DPP6: variants seen among roughly 807,000 people sequenced by gnomAD.
DPP6 encodes the protein A-type potassium channel modulatory protein DPP6.
In DPP6, 69 loss-of-function variants were observed where a neutral mutation model predicts 122.6. The ratio of observed to expected loss-of-function variants is 0.56; its 90% CI spans 0.46 to 0.69. The LOEUF is 0.69. Ranked by LOEUF, DPP6 falls within the 30% of genes least tolerant of loss-of-function variation. The probability of loss-of-function intolerance (pLI) is 0.00; values close to 1 mark genes in which losing one functional copy is unlikely to be tolerated. For missense variants in DPP6, 928 were observed against 1,116.9 expected, an observed-to-expected ratio of 0.83 and a Z score of 2.41; for synonymous variants, 418 against 433.1, an observed-to-expected ratio of 0.97 and a Z score of 0.43.
At chr7:154,804,570 G>T (rs1798574623) in intron 14 of DPP6, among the ~76,000 whole-genome samples, 1 of 152,200 alleles carries the variant, frequency 6.6e-6, no homozygotes, top group African/African-American at 2.4e-5. Flanking sequence ...TGTCTTAAAT[G>T]TGCTCAGCTC....
chr7:153,919,324 G>A (rs1051464558), intron 1 of DPP6, among the ~76,000 whole-genome samples: 3 of 152,152 alleles, frequency 2.0e-5, no homozygotes, highest in African/African-American at 4.8e-5. Flanking sequence ...GCCTCCTGGG[G>A]CACCAGTGCA....
At chr7:154,432,003 G>C (rs1328789964) in intron 1 of DPP6, among the ~76,000 whole-genome samples, 1 of 152,152 alleles carries the variant, frequency 6.6e-6, no homozygotes, top group Admixed American at 6.5e-5. Context: ...GCCTGGCCCA[G>C]CTCCTTGGCC....
intron 2 of DPP6, among the ~76,000 whole-genome samples, chr7:154,447,906 C>T (rs1015624725): frequency 6.6e-6 from 1 of 152,130 alleles, no homozygotes. Flanking sequence ...AAGCTAGGAA[C>T]AGGAAGAAAC....
chr7:154,502,564 A>G (rs1825342829), intron 3 of DPP6, among the ~76,000 whole-genome samples: 1 of 152,194 alleles, frequency 6.6e-6, no homozygotes, highest in African/African-American at 2.4e-5. Flanking sequence ...GTCTGCTGCC[A>G]TGTGAGACGT....
chr7:154,279,953 A>G (rs1038106747), intron 1 of DPP6, among the ~76,000 whole-genome samples: 2 of 152,238 alleles, frequency 1.3e-5, no homozygotes, highest in Non-Finnish European at 2.9e-5. Flanking sequence ...GTTTTGAATT[A>G]CAATGCTGAT....
At chr7:154,497,292 G>T (rs771815669) in intron 3 of DPP6, among the ~76,000 whole-genome samples, 1 of 152,126 alleles carries the variant, frequency 6.6e-6, no homozygotes, top group Non-Finnish European at 1.5e-5. Context: ...GAAGAAGGGA[G>T]TGTTGGTCAA....
At chr7:154,086,371 T>C (rs1267921916) in intron 1 of DPP6, among the ~76,000 whole-genome samples, 2 of 147,986 alleles carry the variant, frequency 1.4e-5, no homozygotes, top group African/African-American at 5.0e-5. Flanking sequence ...GCTTTCATGC[T>C]GTGCTGGCCC....
chr7:154,584,890 C>T (rs560254063), intron 5 of DPP6, among the ~76,000 whole-genome samples: 63 of 152,290 alleles, frequency 4.1e-4, no homozygotes, highest in African/African-American at 6.5e-4. Flanking sequence ...AATTTAAAAG[C>T]GTATCTTTAT....
intron 7 of DPP6, among the ~76,000 whole-genome samples, chr7:154,715,685 C>T (rs1283040734): frequency 6.6e-6 from 1 of 152,220 alleles, no homozygotes; most frequent in Non-Finnish European, 1.5e-5. Context: ...GTTCCCCTGG[C>T]TGTCACCCTC....
chr7:154,879,916 C>T (rs1029792592), intron 20 of DPP6, among the ~76,000 whole-genome samples: 4 of 152,202 alleles, frequency 2.6e-5, no homozygotes, highest in Non-Finnish European at 4.4e-5. Flanking sequence ...GAGGGCACAG[C>T]GCACGCCAGG....
At chr7:154,566,586 C>T (rs1364822034) in intron 4 of DPP6, among the ~76,000 whole-genome samples, 1 of 152,036 alleles carries the variant, frequency 6.6e-6, no homozygotes, top group Non-Finnish European at 1.5e-5. Context: ...CCAGTGCACC[C>T]AGCCTTTAAT....
intron 2 of DPP6, among the ~76,000 whole-genome samples, chr7:154,447,649 T>G (rs532905523): frequency 6.6e-6 from 1 of 152,204 alleles, no homozygotes; most frequent in East Asian, 1.9e-4. Context: ...CAATACCCCT[T>G]ATGAAAATAG....
At chr7:154,433,428 C>G (rs193091768) in intron 1 of DPP6, among the ~76,000 whole-genome samples, 2 of 151,876 alleles carry the variant, frequency 1.3e-5, no homozygotes, top group Non-Finnish European at 2.9e-5. Flanking sequence ...CTCAGCCTCC[C>G]GAAGTGCTGT....
the DPP6 span, among the ~76,000 whole-genome samples, chr7:153,786,664 G>C: frequency 1.4e-5 from 2 of 148,142 alleles, no homozygotes; most frequent in Non-Finnish European, 3.0e-5. Flanking sequence ...GCGTGAACCC[G>C]GGAGGCGGAG....
intron 1 of DPP6, among the ~76,000 whole-genome samples, chr7:154,021,514 G>T (rs1798698698): frequency 6.6e-6 from 1 of 152,078 alleles, no homozygotes; most frequent in Non-Finnish European, 1.5e-5. Flanking sequence ...ATCCTTTCCA[G>T]CCTACAACCA....
intron 3 of DPP6, among the ~76,000 whole-genome samples, chr7:154,536,226 A>G (rs977579390): frequency 1.3e-5 from 2 of 152,184 alleles, no homozygotes; most frequent in Non-Finnish European, 2.9e-5. Flanking sequence ...TATTTGTAAG[A>G]AATTCTAGGA....
intron 1 of DPP6, among the ~76,000 whole-genome samples, chr7:154,387,629 C>A (rs534661793): frequency 6.6e-6 from 1 of 152,308 alleles, no homozygotes; most frequent in African/African-American, 2.4e-5. Context: ...GTGAAGCTGT[C>A]TCCTTCACCA....
intron 1 of DPP6, among the ~76,000 whole-genome samples, chr7:154,024,054 C>G (rs915325549): frequency 1.3e-5 from 2 of 152,170 alleles, no homozygotes; most frequent in Non-Finnish European, 2.9e-5. Context: ...TCCACTCAAT[C>G]TGCCAGGAGA....
At chr7:154,565,477 G>A (rs12672881) in intron 4 of DPP6, among the ~76,000 whole-genome samples, 3,813 of 152,232 alleles carry the variant, frequency 0.025, 105 homozygotes, top group South Asian at 0.12. Flanking sequence ...TTTCCTTAAG[G>A]TACTGTTGCA....
Sources: allele counts gnomAD v4.1 joint callset (sites outside exome capture counted in the v4.1 genomes callset), GRCh38; gene constraint gnomAD v4.1.1; transcripts MANE v1.5; gene names NCBI Gene and HGNC (gene_info 2026-07-23, HGNC 2026-07-21).